The following CCDC149 variants were observed in gnomAD, a reference collection of about 807,000 sequenced individuals.
CCDC149 encodes coiled-coil domain-containing protein 149.
Under a neutral mutation model 59.9 loss-of-function variants are expected in CCDC149, and 45 were observed. That is an observed-to-expected ratio of 0.75 (90% CI 0.59 to 0.96). CCDC149 has a LOEUF of 0.96. Among genes scored for constraint, CCDC149 ranks in the 40% least tolerant of loss-of-function variants. The pLI is 0.00. For synonymous variants in CCDC149, 245 were observed against 260.6 expected, an observed-to-expected ratio of 0.94 and a Z score of 0.58; for missense variants, 584 against 664.7, an observed-to-expected ratio of 0.88 and a Z score of 1.33.
intron 3 of CCDC149, among the ~76,000 whole-genome samples, chr4:24,864,608 G>A (rs116253673): frequency 0.015 from 2,209 of 152,196 alleles, 17 homozygotes; most frequent in Middle Eastern, 0.027. Flanking sequence ...AAAAAACTCC[G>A]GTCTCCCGTT....
chr4:24,956,453 G>A (rs59801202), intron 1 of CCDC149, among the ~76,000 whole-genome samples: 20,089 of 151,998 alleles, frequency 0.13, 1,523 homozygotes, highest in South Asian at 0.26. Context: ...ACCAGACCTA[G>A]GTAATTTCGG....
intron 4 of CCDC149, among the ~76,000 whole-genome samples, chr4:24,846,614 C>T (rs1326838080): frequency 6.6e-6 from 1 of 152,100 alleles, no homozygotes; most frequent in Non-Finnish European, 1.5e-5. Flanking sequence ...TCCAAAAGTC[C>T]CACGTCAATA....
At chr4:24,937,174 T>A (rs1201406648) in intron 1 of CCDC149, among the ~76,000 whole-genome samples, 1 of 152,316 alleles carries the variant, frequency 6.6e-6, no homozygotes, top group East Asian at 1.9e-4. Context: ...AACCACAGAA[T>A]TGATAAAAAT....
intron 4 of CCDC149, among the ~76,000 whole-genome samples, chr4:24,851,487 C>T (rs985158630): frequency 6.6e-6 from 1 of 151,942 alleles, no homozygotes; most frequent in Non-Finnish European, 1.5e-5. Context: ...AATTCTCATA[C>T]CTAAAAGGCA....
chr4:24,857,881 C>A (rs1718123052), intron 3 of CCDC149, among the ~76,000 whole-genome samples: 1 of 152,138 alleles, frequency 6.6e-6, no homozygotes, highest in Admixed American at 6.5e-5. Context: ...TTTCTTTTAC[C>A]TTTAACAGGC....
At position 24,806,788 on chromosome 4, in the gene CCDC149, A is replaced by G. The variant is rs919703376; in HGVS notation, c.*1601T>C. On this transcript the variant is annotated 3_prime_UTR_variant, in exon 13 of 13. Coordinates refer to ENST00000635206, the MANE Select transcript of CCDC149 (RefSeq NM_001330643.2). ...TGGGATGTCCTTCTCACCAGAAGCA[A>G]CAGAACGCCGACTCCAGCATGCTCC... is the stretch of plus-strand genomic sequence containing the variant. The G allele has an allele frequency of 6.5e-6, 1 of 153,438 alleles. No individual in the cohort carries two copies. The highest frequency in any genetic ancestry group is 1.5e-5 in the Non-Finnish European group (1 of 68,108). 9.5% of individuals were successfully genotyped at this position (153,438 alleles called of 1,614,324 possible). A position where few individuals can be genotyped will look rare whatever the true frequency, so the allele number is the denominator to read the frequency against.
rs189077993 is a variant in CCDC149 at position 24,822,485 on chromosome 4, G to A, written c.1042+12C>T. The A allele has an allele frequency of 8.4e-5, 123 of 1,466,192 alleles. 1 individual carries two copies. The East Asian group carries it at 3.0e-3, about 35-fold the overall frequency. The allele number at this position is 1,466,192 out of a possible 1,614,324, so 90.8% of individuals were successfully genotyped here. ...AAAAAAAGGAAAATTGTTTTCATGAGGTTCTGTTTACCTGGAAGACTCCAC... is the reference window on the plus strand; with the variant it reads ...AAAAAAAGGAAAATTGTTTTCATGAAGTTCTGTTTACCTGGAAGACTCCAC... On this transcript the variant is annotated intron_variant, in intron 10 of 12. Coordinates refer to ENST00000635206, the MANE Select transcript of CCDC149 (RefSeq NM_001330643.2).
At chr4:24,935,220 AG>A (rs2109344481) in intron 1 of CCDC149, among the ~76,000 whole-genome samples, 1 of 152,330 alleles carries the variant, frequency 6.6e-6, no homozygotes, top group East Asian at 1.9e-4. Flanking sequence ...TGGATGTAGA[AG>A]TGAAAGAAAG....
chr4:24,900,743 G>C (rs1418375120), intron 1 of CCDC149, among the ~76,000 whole-genome samples: 1 of 152,240 alleles, frequency 6.6e-6, no homozygotes, highest in South Asian at 2.1e-4. Context: ...CTCACTTCAA[G>C]ATTGGCATCA....
chr4:24,970,544 G>A (rs1469966769), intron 1 of CCDC149, among the ~76,000 whole-genome samples: 3 of 152,178 alleles, frequency 2.0e-5, no homozygotes, highest in Non-Finnish European at 2.9e-5. Context: ...ACACCACTGA[G>A]GAGTGGGTAC....
At chr4:24,850,501 G>A (rs1312503393) in intron 4 of CCDC149, among the ~76,000 whole-genome samples, 1 of 152,140 alleles carries the variant, frequency 6.6e-6, no homozygotes. Context: ...CAAACAGCAG[G>A]CACAAAGGTC....
intron 1 of CCDC149, among the ~76,000 whole-genome samples, chr4:24,944,691 C>T (rs2109350794): frequency 6.6e-6 from 1 of 152,228 alleles, no homozygotes; most frequent in Admixed American, 6.5e-5. Flanking sequence ...AGCAAACCAC[C>T]ATGGCACATG....
intron 3 of CCDC149, among the ~76,000 whole-genome samples, chr4:24,863,873 G>A (rs138170498): frequency 0.077 from 11,792 of 152,320 alleles, 471 homozygotes; most frequent in Middle Eastern, 0.095. Flanking sequence ...AAGATTGTGA[G>A]GTTCAGCTCC....
At chr4:24,971,198 G>T (rs917593582) in intron 1 of CCDC149, among the ~76,000 whole-genome samples, 2 of 152,206 alleles carry the variant, frequency 1.3e-5, no homozygotes, top group Admixed American at 6.5e-5. Context: ...GCATCTCTAG[G>T]CTCTGGCCTA....
rs1560209987 is a variant in CCDC149 at position 24,837,414 on chromosome 4, G to A, written c.490-14C>T. ...CAGAGACTCAATCTAAAACCACAGG[G>A]AGAGCCCTTACTCAAGATGTTCCTC... On this transcript the variant is annotated splice_polypyrimidine_tract_variant and intron_variant, in intron 5 of 12. Coordinates refer to ENST00000635206, the MANE Select transcript of CCDC149 (RefSeq NM_001330643.2). This position sits in a 1 kb window ranked among gnomAD's most constrained non-coding sequence, Gnocchi z 4.3. The A allele has an allele frequency of 1.2e-6, 2 of 1,613,444 alleles. No individual in the cohort carries two copies. Among genetic ancestry groups the A allele is most frequent in the South Asian group, 2.2e-5 (2 of 90,984 alleles).
At chr4:24,963,496 C>A (rs1312954242) in intron 1 of CCDC149, among the ~76,000 whole-genome samples, 1 of 152,138 alleles carries the variant, frequency 6.6e-6, no homozygotes, top group Non-Finnish European at 1.5e-5. Flanking sequence ...CCACCCTCAC[C>A]CAACATAAAC....
chr4:24,832,779 T>C (rs1049552030), intron 8 of CCDC149, among the ~76,000 whole-genome samples: 3 of 152,244 alleles, frequency 2.0e-5, no homozygotes, highest in African/African-American at 4.8e-5. Context: ...TGCAAATAGA[T>C]TGTAAGATTT....
intron 3 of CCDC149, among the ~76,000 whole-genome samples, chr4:24,868,302 A>C (rs747050322): frequency 1.3e-5 from 2 of 152,222 alleles, no homozygotes; most frequent in Non-Finnish European, 2.9e-5. Flanking sequence ...CCCATGCTGA[A>C]CTATGAAGAG....
chr4:24,838,233 C>T lies in CCDC149; in HGVS notation c.412G>A (p.Glu138Lys), dbSNP rs372911321. 3.7e-6 allele frequency: 6 copies of T among 1,614,136 alleles called. No homozygotes were observed. Among genetic ancestry groups the T allele is most frequent in the East Asian group, 2.2e-5 (1 of 44,868 alleles). Residue 138 changes from glutamate (E) to lysine (K), a missense_variant, in exon 5 of 13, where the codon GAA becomes AAA. Transcript: ENST00000635206. The stretch of plus-strand genomic sequence containing the variant: ...GCAAAGTGTCGCACGCCGATTGCTT[C>T]GTCTCCGAGCCTTTGTTTGGCAATC...
Sources: allele counts gnomAD v4.1 joint callset (sites outside exome capture counted in the v4.1 genomes callset), GRCh38; gene constraint gnomAD v4.1.1; non-coding constraint Gnocchi (gnomAD v3.1); transcripts MANE v1.5; gene names NCBI Gene and HGNC (gene_info 2026-07-23, HGNC 2026-07-21).